The following NCAPH variants were observed in gnomAD, a reference collection of about 807,000 sequenced individuals.
NCAPH encodes the protein condensin complex subunit 2.
In NCAPH, 38 loss-of-function variants were observed where a neutral mutation model predicts 85.5. The ratio of observed to expected loss-of-function variants is 0.44; its 90% confidence interval spans 0.34 to 0.58. The LOEUF (loss-of-function observed/expected upper bound fraction) is 0.58, where lower values mean the gene tolerates loss of function less well. Ranked by LOEUF, NCAPH falls within the 20% of genes least tolerant of loss-of-function variation. The pLI is 0.01. For missense variants in NCAPH, 789 were observed against 916.6 expected, an observed-to-expected ratio of 0.86 and a Z score of 1.80; for synonymous variants, 301 against 335.1, an observed-to-expected ratio of 0.90 and a Z score of 1.11.
intron 6 of NCAPH, among the ~76,000 whole-genome samples, chr2:96,348,651 CATTATT>C (rs1255536271): frequency 6.6e-6 from 1 of 151,660 alleles, no homozygotes; most frequent in South Asian, 2.1e-4. Context: ...ATCTTACTGT[CATTATT>C]ATTATTATTT....
chr2:96,361,901 C>T lies in NCAPH; in HGVS notation c.1587+1191C>T, dbSNP rs1180255611. On this transcript the variant is annotated intron_variant, in intron 12 of 17. Transcript: ENST00000240423. ...GTTTTTTTGTATTTTTTTTTAGAGA[C>T]AGGGTCTTGCTCTGTTGCCCAGGCC... Among the ~76,000 whole-genome samples, 3 of 141,422 alleles carry T rather than the reference C, an allele frequency of 2.1e-5. 1 individual carries two copies. The East Asian group carries it at 6.3e-4, about 30-fold the overall frequency. The allele number at this position is 141,422 out of a possible 152,430, so 92.8% of individuals were successfully genotyped here. A position where few individuals can be genotyped will look rare whatever the true frequency, so the allele number is the denominator to read the frequency against.
intron 9 of NCAPH, among the ~76,000 whole-genome samples, chr2:96,358,606 C>G (rs2064556577): frequency 1.3e-5 from 2 of 152,090 alleles, no homozygotes; most frequent in South Asian, 2.1e-4. Flanking sequence ...GTAGCTGGGA[C>G]TACAGGCGCC....
At chr2:96,362,150 C>T (rs1168173102) in intron 12 of NCAPH, among the ~76,000 whole-genome samples, 1 of 151,564 alleles carries the variant, frequency 6.6e-6, no homozygotes, top group Non-Finnish European at 1.5e-5. Context: ...TACTTGGGGG[C>T]CTGAGGCTAT....
intron 8 of NCAPH, 126 bp downstream of exon 8, chr2:96,353,523 A>T: frequency 1.2e-6 from 1 of 840,970 alleles, no homozygotes; most frequent in Non-Finnish European, 1.9e-6. Context: ...TTCCTTTGGC[A>T]CTTCTGTAGG....
intron 1 of NCAPH, among the ~76,000 whole-genome samples, chr2:96,336,840 C>T (rs1337610229): frequency 2.0e-5 from 3 of 152,072 alleles, no homozygotes; most frequent in African/African-American, 2.4e-5. Context: ...CTAGGACCAA[C>T]GTTTAGAAGC....
rs1212748643 is a variant in NCAPH, at chr2:96,375,964, T to C, written c.*2613T>C. Reference sequence around the variant, plus strand: ...CCAGCAAGAAGGCTCCCACCAGATATGGACTCAACCTGGGACTTTTCAGCC... The same window carrying C: ...CCAGCAAGAAGGCTCCCACCAGATACGGACTCAACCTGGGACTTTTCAGCC... On this transcript the variant is annotated 3_prime_UTR_variant, in exon 18 of 18. Transcript: ENST00000240423. Among the ~76,000 whole-genome samples the C allele has an allele frequency of 2.6e-5, 4 of 152,184 alleles. No individual in the cohort carries two copies. In the East Asian group the frequency reaches 5.8e-4, roughly 22 times the overall value.
intron 1 of NCAPH, 161 bp from the exon 2 acceptor site, chr2:96,341,481 A>G (rs1397511805): frequency 9.2e-6 from 9 of 983,464 alleles, no homozygotes; most frequent in African/African-American, 6.5e-5. Context: ...TGCACCTCCA[A>G]GAAACCCAAA....
At chr2:96,369,260 A>G (rs1191676336) in intron 16 of NCAPH, among the ~76,000 whole-genome samples, 165 bp from the exon 17 acceptor site, 1 of 152,194 alleles carries the variant, frequency 6.6e-6, no homozygotes, top group Non-Finnish European at 1.5e-5. Flanking sequence ...AACAGGAGAT[A>G]TTTTATCTCA....
intron 12 of NCAPH, among the ~76,000 whole-genome samples, chr2:96,361,771 TATATATATATAC>T (rs2064617054): frequency 7.4e-6 from 1 of 134,824 alleles, no homozygotes; most frequent in South Asian, 2.3e-4. Flanking sequence ...TATATATACA[TATATATATATAC>T]ACATATATAT....
chr2:96,361,749 GATATATATATATAT>G (rs142082869), intron 12 of NCAPH, among the ~76,000 whole-genome samples: 1 of 95,190 alleles, frequency 1.1e-5, no homozygotes, highest in South Asian at 5.7e-4. Flanking sequence ...AGATTTTAAT[GATATATATATATAT>G]ATATACATAT....
chr2:96,361,683 T>G (rs1035946326), intron 12 of NCAPH, among the ~76,000 whole-genome samples: 5 of 150,630 alleles, frequency 3.3e-5, no homozygotes, highest in Non-Finnish European at 5.9e-5. Context: ...TCTCCTACTC[T>G]CATGGAGTGT....
intron 17 of NCAPH, among the ~76,000 whole-genome samples, chr2:96,369,998 C>T (rs1032043159): frequency 3.3e-5 from 5 of 152,202 alleles, no homozygotes; most frequent in East Asian, 3.8e-4. Context: ...GCTGGGTCAG[C>T]GTGGCAGACT....
chr2:96,367,656 A>C (rs2064718800), intron 15 of NCAPH, among the ~76,000 whole-genome samples: 4 of 152,206 alleles, frequency 2.6e-5, no homozygotes, highest in Non-Finnish European at 2.9e-5. Context: ...CTGTATCTTG[A>C]AAAAGAAAAC....
rs373566448 is a variant in NCAPH at position 96,354,266 on chromosome 2, A to G, written c.1086A>G (p.Gly362=). ...CTGAAGTTGACGAGAGTGACTGTGG[A>G]GACTTCCCCGATGGGTCCCTGGGGG... ...INAEVDESDC[G]DFPDGSLGDD... The change falls in exon 9 of 18, where the codon GGA becomes GGG. Residue 362 remains glycine (G), a synonymous_variant. Transcript: ENST00000240423. 9 of 1,614,096 alleles carry G rather than the reference A, an allele frequency of 5.6e-6. No homozygotes were observed. Among genetic ancestry groups the G allele is most frequent in the Non-Finnish European group, 6.8e-6 (8 of 1,180,014 alleles).
At position 96,374,446 on chromosome 2, in the gene NCAPH, A is replaced by G. The variant is rs985385586; in HGVS notation, c.*1095A>G. Among the ~76,000 whole-genome samples the G allele has an allele frequency of 2.0e-5, 3 of 152,228 alleles. No individual in the cohort carries two copies. The East Asian group carries it at 5.8e-4, about 29-fold the overall frequency. ...GAACAATATTATAGATGTTGATCCA[A>G]GTAGTTCTGTTACTGGCTGGTCCTG... On this transcript the variant is annotated 3_prime_UTR_variant, in exon 18 of 18. Coordinates refer to ENST00000240423, the MANE Select transcript of NCAPH (RefSeq NM_015341.5).
At chr2:96,367,509 ATGGTGGCTCACACG>A in intron 15 of NCAPH, 136 bp downstream of exon 15, 2 of 603,128 alleles carry the variant, frequency 3.3e-6, no homozygotes, top group Non-Finnish European at 5.9e-6. Flanking sequence ...GGAGCTGGGC[ATGGTGGCTCACACG>A]TGTAATCCCA....
At chr2:96,343,597 C>T (rs1173296497) in intron 5 of NCAPH, among the ~76,000 whole-genome samples, 2 of 152,102 alleles carry the variant, frequency 1.3e-5, no homozygotes, top group Admixed American at 1.3e-4. Context: ...AATGGACTTG[C>T]GTGAGAAGCC....
chr2:96,366,084 CA>C (rs774972245), intron 14 of NCAPH, 26 bp downstream of exon 14: 1 of 1,607,048 alleles, frequency 6.2e-7, no homozygotes, highest in East Asian at 2.2e-5. Context: ...CTGAGAATTA[CA>C]TTGTTTGCCT....
chr2:96,355,807 A>G (rs2104460727), intron 9 of NCAPH, among the ~76,000 whole-genome samples: 1 of 151,558 alleles, frequency 6.6e-6, no homozygotes, highest in East Asian at 1.9e-4. Flanking sequence ...ATGCCTGACT[A>G]ATTTTTTTAT....
Sources: gnomAD v4.1 joint callset for allele counts (sites outside exome capture counted in the v4.1 genomes callset) on GRCh38, gnomAD v4.1.1 for gene constraint, MANE v1.5 for transcripts, NCBI Gene and HGNC (gene_info 2026-07-23, HGNC 2026-07-21) for gene names.